SPOCK3: variants seen among roughly 807,000 people sequenced by gnomAD.
The protein encoded by SPOCK3 is SPARC (osteonectin), cwcv and kazal like domains proteoglycan 3, also known as testican-3.
In SPOCK3, 30 loss-of-function variants were observed where a neutral mutation model predicts 56.6. The observed-to-expected ratio is 0.53, with a 90% CI of 0.40 to 0.72. The LOEUF (loss-of-function observed/expected upper bound fraction) is 0.72. SPOCK3 is among the 30% of genes least tolerant of loss of function. The pLI is 0.00. For synonymous variants in SPOCK3, 196 were observed against 183.3 expected, an observed-to-expected ratio of 1.07 and a Z score of -0.56; for missense variants, 527 against 530.0, an observed-to-expected ratio of 0.99 and a Z score of 0.06.
intron 4 of SPOCK3, among the ~76,000 whole-genome samples, chr4:166,928,250 G>A (rs1315331936): frequency 6.6e-6 from 1 of 152,182 alleles, no homozygotes; most frequent in Non-Finnish European, 1.5e-5. Flanking sequence ...AGTTGAAAAG[G>A]TATGTCCACA....
chr4:166,909,864 T>A (rs1737063340), intron 5 of SPOCK3, among the ~76,000 whole-genome samples: 1 of 152,182 alleles, frequency 6.6e-6, no homozygotes, highest in South Asian at 2.1e-4. Flanking sequence ...ATCTATATTC[T>A]ATTTTCAACT....
At chr4:166,856,616 C>A (rs1418659255) in intron 6 of SPOCK3, among the ~76,000 whole-genome samples, 2 of 151,784 alleles carry the variant, frequency 1.3e-5, no homozygotes, top group Admixed American at 6.6e-5. Context: ...TTTACTAAAA[C>A]TACAAAAATT....
At chr4:166,858,370 T>C (rs924601069) in intron 6 of SPOCK3, among the ~76,000 whole-genome samples, 5 of 152,210 alleles carry the variant, frequency 3.3e-5, no homozygotes, top group Admixed American at 1.3e-4. Flanking sequence ...CTATGTCAAA[T>C]GGTGACTCTT....
At position 167,109,239 on chromosome 4, in the gene SPOCK3, ATATT is replaced by A. The variant is rs1275182028; in HGVS notation, c.190-46706_190-46703del. ...ATATATAGTATATAATATATATTTAATATTTATTTATTATATATTTATTATTATT... is the reference window on the plus strand; with the variant it reads ...ATATATAGTATATAATATATATTTAATATTTATTATATATTTATTATTATT... On this transcript the variant is annotated intron_variant, in intron 2 of 10. Transcript: ENST00000357545. Among the ~76,000 whole-genome samples the A allele has an allele frequency of 6.8e-5, 6 of 88,806 alleles. No individual in the cohort carries two copies. In the East Asian group the frequency reaches 1.7e-3, roughly 25 times the overall value. The allele number at this position is 88,806 out of a possible 152,430, so 58.3% of individuals were successfully genotyped here.
chr4:166,946,420 C>T (rs28536026), intron 4 of SPOCK3, among the ~76,000 whole-genome samples: 1,768 of 152,298 alleles, frequency 0.012, 38 homozygotes, highest in African/African-American at 0.04. Flanking sequence ...CAGCCTGCTC[C>T]TGCGCGTTGG....
intron 4 of SPOCK3, among the ~76,000 whole-genome samples, chr4:166,963,956 G>T (rs1201237317): frequency 6.6e-6 from 1 of 151,668 alleles, no homozygotes; most frequent in Admixed American, 6.6e-5. Flanking sequence ...GTCTCAGGAT[G>T]CAAAGATTAA....
chr4:166,843,708 CTG>C (rs1336274089), intron 6 of SPOCK3, among the ~76,000 whole-genome samples: 1 of 152,146 alleles, frequency 6.6e-6, no homozygotes, highest in African/African-American at 2.4e-5. Flanking sequence ...TCTACAGAAA[CTG>C]TGATGTACTA....
chr4:167,120,569 A>G (rs1761781641), intron 2 of SPOCK3, among the ~76,000 whole-genome samples: 1 of 152,056 alleles, frequency 6.6e-6, no homozygotes, highest in Non-Finnish European at 1.5e-5. Context: ...TGTACTTAGT[A>G]TTATAGTTAG....
At chr4:167,016,969 G>A (rs1040324757) in intron 3 of SPOCK3, among the ~76,000 whole-genome samples, 1 of 152,132 alleles carries the variant, frequency 6.6e-6, no homozygotes, top group African/African-American at 2.4e-5. Flanking sequence ...TTATTCTATG[G>A]AATGGAATGG....
At chr4:166,801,538 A>G (rs1742594583) in intron 6 of SPOCK3, among the ~76,000 whole-genome samples, 1 of 152,046 alleles carries the variant, frequency 6.6e-6, no homozygotes, top group Non-Finnish European at 1.5e-5. Context: ...TCAACAAATT[A>G]TTACTGTATC....
At chr4:166,806,818 G>A (rs1471392210) in intron 6 of SPOCK3, among the ~76,000 whole-genome samples, 3 of 152,048 alleles carry the variant, frequency 2.0e-5, no homozygotes, top group Middle Eastern at 3.4e-3. Context: ...TTATTCATGC[G>A]AGATGTATTT....
intron 7 of SPOCK3, among the ~76,000 whole-genome samples, chr4:166,788,785 T>C (rs1468020785): frequency 2.6e-5 from 4 of 151,818 alleles, no homozygotes; most frequent in Admixed American, 6.6e-5. Context: ...GCTATCTTAA[T>C]AGAAAATGAC....
chr4:167,053,034 A>G (rs1754385320), intron 3 of SPOCK3, among the ~76,000 whole-genome samples: 1 of 152,184 alleles, frequency 6.6e-6, no homozygotes. Context: ...TTTCCTTTGT[A>G]GCCAAATACT....
At chr4:167,097,332 C>T (rs1370876078) in intron 2 of SPOCK3, among the ~76,000 whole-genome samples, 1 of 151,502 alleles carries the variant, frequency 6.6e-6, no homozygotes, top group African/African-American at 2.4e-5. Flanking sequence ...CATTTTATTA[C>T]CTGTCTTGGT....
intron 2 of SPOCK3, among the ~76,000 whole-genome samples, chr4:167,105,995 A>G (rs559701603): frequency 4.6e-5 from 7 of 151,944 alleles, no homozygotes; most frequent in Non-Finnish European, 8.8e-5. Flanking sequence ...AGCAAATATT[A>G]TTAGATTAAA....
chr4:166,955,017 T>C (rs749950044), intron 4 of SPOCK3, among the ~76,000 whole-genome samples: 32 of 152,328 alleles, frequency 2.1e-4, no homozygotes, highest in Middle Eastern at 3.4e-3. Context: ...ATCTATTATA[T>C]GTTCACAGAA....
chr4:166,892,114 C>T (rs1734851214), intron 5 of SPOCK3, among the ~76,000 whole-genome samples: 1 of 151,934 alleles, frequency 6.6e-6, no homozygotes, highest in Non-Finnish European at 1.5e-5. Context: ...TATCATTAGG[C>T]ACTAGGAGAA....
chr4:167,033,955 CA>C (rs1166853404), intron 3 of SPOCK3, among the ~76,000 whole-genome samples: 3 of 151,980 alleles, frequency 2.0e-5, no homozygotes, highest in Non-Finnish European at 4.4e-5. Flanking sequence ...AGCAAATTAG[CA>C]AATGTATTAT....
At chr4:167,060,308 AAAAAC>A (rs1372075649) in intron 3 of SPOCK3, among the ~76,000 whole-genome samples, 5 of 151,708 alleles carry the variant, frequency 3.3e-5, no homozygotes, top group African/African-American at 1.2e-4. Flanking sequence ...AAAAAAAAGA[AAAAAC>A]AAACAAAAAA....
Sources: gnomAD v4.1 joint callset for allele counts (sites outside exome capture counted in the v4.1 genomes callset) on GRCh38, gnomAD v4.1.1 for gene constraint, MANE v1.5 for transcripts, NCBI Gene and HGNC (gene_info 2026-07-23, HGNC 2026-07-21) for gene names.